PRXL2A: variants seen among roughly 807,000 people sequenced by gnomAD.
PRXL2A encodes peroxiredoxin-like 2A.
Under a neutral mutation model 25.6 loss-of-function variants are expected in PRXL2A, and 26 were observed. The observed-to-expected ratio is 1.02, with a 90% CI of 0.74 to 1.41. The LOEUF is 1.41. PRXL2A is among the 40% of genes most tolerant of loss of function. The probability of loss-of-function intolerance (pLI) is 0.00; values close to 1 mark genes in which losing one functional copy is unlikely to be tolerated. For synonymous variants in PRXL2A, 98 were observed against 102.9 expected (o/e 0.95, Z 0.29); for missense variants, 246 against 273.9 (o/e 0.90, Z 0.72).
At position 80,430,928 on chromosome 10, in the gene PRXL2A, C is replaced by T. The variant is rs189590281; in HGVS notation, c.577-1058C>T. ...TTGTTTAGATGGAGTCTTGCTCTGTCGCCCAGGCTGGAGTGCAGTGGCGCG... is the reference window on the plus strand; with the variant it reads ...TTGTTTAGATGGAGTCTTGCTCTGTTGCCCAGGCTGGAGTGCAGTGGCGCG... On this transcript the variant is annotated intron_variant, in intron 5 of 5. Transcript: ENST00000606162. Among the ~76,000 whole-genome samples the T allele has an allele frequency of 2.3e-3, 343 of 152,114 alleles. 1 individual carries two copies. Among genetic ancestry groups the T allele is most frequent in the African/African-American group, 7.7e-3 (321 of 41,486 alleles).
At chr10:80,422,584 G>A (rs747087712) in intron 3 of PRXL2A, 76 bp downstream of exon 3, 3 of 1,154,184 alleles carry the variant, frequency 2.6e-6, no homozygotes, top group African/African-American at 3.1e-5. Context: ...CCAGAACCAA[G>A]GGTCGGTAAG....
intron 2 of PRXL2A, among the ~76,000 whole-genome samples, chr10:80,421,231 C>T (rs1245624083): frequency 2.6e-5 from 4 of 152,162 alleles, no homozygotes; most frequent in Non-Finnish European, 5.9e-5. Context: ...TTCAAGGTCA[C>T]CCGTTAGAGC....
chr10:80,413,048 A>G (rs1192053975), intron 1 of PRXL2A, among the ~76,000 whole-genome samples: 4 of 152,262 alleles, frequency 2.6e-5, no homozygotes, highest in East Asian at 1.9e-4. Flanking sequence ...TAGCAGATAC[A>G]TTTTAGAAGA....
intron 2 of PRXL2A, 36 bp downstream of exon 2, chr10:80,420,681 A>G: frequency 6.8e-7 from 1 of 1,475,624 alleles, no homozygotes; most frequent in Non-Finnish European, 9.1e-7. Flanking sequence ...GTACTTTTCC[A>G]AGGAGCTGGG....
intron 1 of PRXL2A, among the ~76,000 whole-genome samples, chr10:80,416,991 C>A (rs1475851267): frequency 1.3e-5 from 2 of 152,200 alleles, no homozygotes; most frequent in Non-Finnish European, 2.9e-5. Context: ...AATTAAGAGT[C>A]CTTTATTAAG....
At chr10:80,411,531 T>G (rs1345622129) in intron 1 of PRXL2A, among the ~76,000 whole-genome samples, 3 of 152,246 alleles carry the variant, frequency 2.0e-5, no homozygotes, top group Non-Finnish European at 4.4e-5. Flanking sequence ...TAAACAGTCA[T>G]GGACTGGAAG....
chr10:80,427,933 A>G (rs1334860615), intron 5 of PRXL2A, among the ~76,000 whole-genome samples: 1 of 152,226 alleles, frequency 6.6e-6, no homozygotes, highest in African/African-American at 2.4e-5. Context: ...TGCTTGAACA[A>G]AAGCGTAGTT....
intron 1 of PRXL2A, among the ~76,000 whole-genome samples, chr10:80,412,731 C>G (rs564130105): frequency 2.9e-4 from 44 of 152,174 alleles, no homozygotes; most frequent in African/African-American, 7.9e-4. Context: ...CGTGGTTGGC[C>G]TGGGTCAGAG....
At chr10:80,420,220 C>T in intron 1 of PRXL2A, 8 of 1,163,058 alleles carry the variant, frequency 6.9e-6, no homozygotes, top group Non-Finnish European at 8.5e-6. Flanking sequence ...TGTCCTTTCT[C>T]TGTCATCACT....
chr10:80,408,954 A>G, intron 1 of PRXL2A: 4 of 877,190 alleles, frequency 4.6e-6, no homozygotes, highest in Non-Finnish European at 5.5e-6. Context: ...CACGCCCGCA[A>G]GCCTTGAGTG....
chr10:80,427,311 TC>T lies in PRXL2A; in HGVS notation c.412-20del, dbSNP rs1287082768. 1.2e-6 allele frequency: 2 copies of T among 1,611,458 alleles called. No homozygotes were observed. Among genetic ancestry groups the T allele is most frequent in the African/African-American group, 2.7e-5 (2 of 74,820 alleles). ...AGGCATGTAGAGTACTCATATGGGA[TC>T]TGTCTTTCTCACTCCATAGAAAAAG... is the stretch of plus-strand genomic sequence containing the variant. On this transcript the variant is annotated intron_variant, in intron 4 of 5. Transcript: ENST00000606162.
At chr10:80,411,070 A>G (rs1844463412) in intron 1 of PRXL2A, among the ~76,000 whole-genome samples, 1 of 152,228 alleles carries the variant, frequency 6.6e-6, no homozygotes, top group African/African-American at 2.4e-5. Flanking sequence ...AGACTGAGGC[A>G]GGTAGGTGAG....
intron 1 of PRXL2A, among the ~76,000 whole-genome samples, chr10:80,415,910 C>T (rs1183263166): frequency 1.3e-5 from 2 of 152,130 alleles, no homozygotes; most frequent in African/African-American, 4.8e-5. Flanking sequence ...ACTGATGTGT[C>T]CTAGGAGTCA....
At chr10:80,409,335 G>C (rs903509754) in intron 1 of PRXL2A, among the ~76,000 whole-genome samples, 59 of 152,272 alleles carry the variant, frequency 3.9e-4, no homozygotes, top group African/African-American at 1.3e-3. Context: ...GATGGTTAGA[G>C]GCAAAGGAAG....
rs1032643016 is a variant in PRXL2A, at chr10:80,435,241, A to G, written c.*3142A>G. The G allele has an allele frequency of 6.6e-6, 1 of 152,168 alleles. No individual in the cohort carries two copies. Among genetic ancestry groups the G allele is most frequent in the Non-Finnish European group, 1.5e-5 (1 of 68,046 alleles). 9.4% of individuals were successfully genotyped at this position (152,168 alleles called of 1,614,324 possible). A position where few individuals can be genotyped will look rare whatever the true frequency, so the allele number is the denominator to read the frequency against. ...GAAAAACGAGGGAGATTAGAAACCT[A>G]TGATCAGGCATTGGCTGAAACAAAT... On this transcript the variant is annotated 3_prime_UTR_variant, in exon 6 of 6. Transcript: ENST00000606162.
rs1050156872 is a variant in PRXL2A, at chr10:80,436,194, G to A, written c.*4095G>A. 2.7e-5 allele frequency: 4 copies of A among 149,950 alleles called. No individual in the cohort carries two copies. Among genetic ancestry groups the A allele is most frequent in the Non-Finnish European group, 4.4e-5 (3 of 67,796 alleles). The allele number at this position is 149,950 out of a possible 1,614,324, so 9.3% of individuals were successfully genotyped here. Reference sequence around the variant, plus strand: ...AGTAATGCAATCATGGCTCACTGCTGCCTTAACTTCTGGGCTCAAGTGATA... The same window carrying A: ...AGTAATGCAATCATGGCTCACTGCTACCTTAACTTCTGGGCTCAAGTGATA... On this transcript the variant is annotated 3_prime_UTR_variant, in exon 6 of 6. Coordinates refer to ENST00000606162, the MANE Select transcript of PRXL2A (RefSeq NM_032333.5).
rs538553994 is a variant in PRXL2A at position 80,427,777 on chromosome 10, GA to G, written c.576+282del. Among the ~76,000 whole-genome samples the G allele has an allele frequency of 8.7e-3, 1,322 of 152,304 alleles. 13 individuals carry two copies. Among genetic ancestry groups the G allele is most frequent in the African/African-American group, 0.03 (1,267 of 41,556 alleles). ...AAGGAACTTAGAACTGAAAAGGGAT[GA>G]GCAGCTGCACAAGGAGCACAGCTCA... On this transcript the variant is annotated intron_variant, in intron 5 of 5. Transcript: ENST00000606162.
At chr10:80,425,741 G>C (rs1343291790) in intron 3 of PRXL2A, 125 bp from the exon 4 acceptor site, 3 of 1,198,618 alleles carry the variant, frequency 2.5e-6, no homozygotes, top group Non-Finnish European at 3.6e-6. Flanking sequence ...GCCATAACAG[G>C]AGCCTTGCCT....
Position 80,432,708 on chromosome 10 carries a change from T to A in PRXL2A, c.*609T>A, listed in dbSNP as rs1845309584. 6.6e-6 allele frequency: 1 copy of A among 152,068 alleles called. No homozygotes were observed. Among genetic ancestry groups the A allele is most frequent in the South Asian group, 2.1e-4 (1 of 4,820 alleles). The allele number at this position is 152,068 out of a possible 1,614,324, so 9.4% of individuals were successfully genotyped here. A position where few individuals can be genotyped will look rare whatever the true frequency, so the allele number is the denominator to read the frequency against. On this transcript the variant is annotated 3_prime_UTR_variant, in exon 6 of 6. Transcript: ENST00000606162. ...CATATGATGTTTGAGTGCTGTTGTT[T>A]GAAATTATTTTTCTTTTCGGGTCTT...
Sources: gnomAD v4.1 joint callset for allele counts (sites outside exome capture counted in the v4.1 genomes callset) on GRCh38, gnomAD v4.1.1 for gene constraint, MANE v1.5 for transcripts, NCBI Gene and HGNC (gene_info 2026-07-23, HGNC 2026-07-21) for gene names.